Variants in SPTLC3 observed in about 807,000 individuals in gnomAD.
The protein encoded by SPTLC3 is serine palmitoyltransferase long chain base subunit 3, also known as serine palmitoyltransferase 3.
SPTLC3 carries 36 observed loss-of-function variants against 59.3 expected under a neutral mutation model. That is an observed-to-expected ratio of 0.61 (90% CI 0.47 to 0.80). The LOEUF is 0.80. Among genes scored for constraint, SPTLC3 ranks in the 30% least tolerant of loss-of-function variants. SPTLC3 has a pLI of 0.00. For missense variants in SPTLC3, 625 were observed against 685.1 expected (o/e 0.91, Z 0.98); for synonymous variants, 257 against 240.8 (o/e 1.07, Z -0.62).
intron 4 of SPTLC3, among the ~76,000 whole-genome samples, chr20:13,083,200 G>T (rs1044027168): frequency 6.6e-6 from 1 of 152,154 alleles, no homozygotes; most frequent in Non-Finnish European, 1.5e-5. Flanking sequence ...GGGTCCAGGA[G>T]TTTATCCAGA....
At chr20:13,042,827 C>A (rs1400007927) in intron 1 of SPTLC3, among the ~76,000 whole-genome samples, 1 of 152,100 alleles carries the variant, frequency 6.6e-6, no homozygotes. Context: ...ATAAATATTT[C>A]TTCATTTGTT....
At chr20:13,137,662 TGAA>T (rs1459385157) in intron 9 of SPTLC3, among the ~76,000 whole-genome samples, 7 of 152,168 alleles carry the variant, frequency 4.6e-5, no homozygotes, top group Non-Finnish European at 8.8e-5. Flanking sequence ...TTCTGTTCAT[TGAA>T]GTAGTTCAGA....
intron 9 of SPTLC3, among the ~76,000 whole-genome samples, chr20:13,146,803 G>A (rs980640610): frequency 1.1e-4 from 17 of 152,158 alleles, no homozygotes; most frequent in Admixed American, 5.2e-4. Flanking sequence ...ATAACTCCGT[G>A]AATGATGGAA....
intron 7 of SPTLC3, among the ~76,000 whole-genome samples, chr20:13,111,715 G>A (rs944559598): frequency 8.5e-5 from 13 of 152,168 alleles, no homozygotes; most frequent in African/African-American, 2.7e-4. Context: ...GCCTAGATTC[G>A]TGGGAACACA....
intron 1 of SPTLC3, among the ~76,000 whole-genome samples, chr20:13,021,158 A>ACTT (rs1188959136): frequency 6.6e-6 from 1 of 152,080 alleles, no homozygotes; most frequent in East Asian, 1.9e-4. Flanking sequence ...TCTTCTCTTG[A>ACTT]CTTCCAGGGT....
At chr20:13,073,984 T>A (rs1289505236) in intron 3 of SPTLC3, 2 of 608,094 alleles carry the variant, frequency 3.3e-6, no homozygotes, top group East Asian at 8.3e-5. Context: ...TATATCCTGA[T>A]GACCAATGAA....
chr20:13,158,265 C>G (rs541936649), intron 10 of SPTLC3, among the ~76,000 whole-genome samples: 2 of 152,280 alleles, frequency 1.3e-5, no homozygotes, highest in Admixed American at 6.5e-5. Context: ...AGTACAAACA[C>G]AGAGGCTCAT....
intron 2 of SPTLC3, chr20:13,049,368 A>T: frequency 2.5e-6 from 1 of 407,106 alleles, no homozygotes; most frequent in Non-Finnish European, 4.5e-6. Context: ...CTTTTCCCAT[A>T]CCTTGTAATA....
intron 7 of SPTLC3, among the ~76,000 whole-genome samples, chr20:13,113,930 A>G (rs1212594075): frequency 2.6e-5 from 4 of 152,228 alleles, no homozygotes; most frequent in Non-Finnish European, 4.4e-5. Flanking sequence ...TCCCATGTGC[A>G]GCCTTGAGTA....
chr20:13,033,028 A>G (rs1986569965), intron 1 of SPTLC3, among the ~76,000 whole-genome samples: 1 of 152,116 alleles, frequency 6.6e-6, no homozygotes, highest in African/African-American at 2.4e-5. Flanking sequence ...TGCTCAATCA[A>G]TCAAGAACTA....
chr20:13,095,807 C>T (rs1253665658), intron 6 of SPTLC3, among the ~76,000 whole-genome samples: 1 of 151,958 alleles, frequency 6.6e-6, no homozygotes. Context: ...ATTATCCTCA[C>T]TCTTCCTCTC....
chr20:13,137,415 A>G (rs978775045), intron 9 of SPTLC3, among the ~76,000 whole-genome samples: 6 of 152,138 alleles, frequency 3.9e-5, no homozygotes, highest in African/African-American at 7.2e-5. Flanking sequence ...AAGGCTCTCC[A>G]TTCTTGAACT....
At chr20:13,080,865 G>C (rs1009469434) in intron 4 of SPTLC3, among the ~76,000 whole-genome samples, 1 of 152,110 alleles carries the variant, frequency 6.6e-6, no homozygotes, top group African/African-American at 2.4e-5. Flanking sequence ...GACTAATAAT[G>C]ATAAAGTTAG....
chr20:13,009,069 A>G lies in SPTLC3; in HGVS notation c.-199A>G. On this transcript the variant is annotated 5_prime_UTR_variant, in exon 1 of 12. The change creates a new upstream start codon in the 5' untranslated region. Coordinates refer to ENST00000399002, the MANE Select transcript of SPTLC3 (RefSeq NM_018327.4). The stretch of plus-strand genomic sequence containing the variant: ...CATTTTGACGGGAGTTGAGAAGTAT[A>G]AAGGTAACCATTTGTTTTAGTTTCA... The G allele has an allele frequency of 1.8e-6, 1 of 558,360 alleles. No homozygotes were observed. The highest frequency in any genetic ancestry group is 3.1e-5 in the Admixed American group (1 of 32,030). 34.6% of individuals were successfully genotyped at this position (558,360 alleles called of 1,614,324 possible).
At chr20:13,027,690 T>C (rs114164218) in intron 1 of SPTLC3, among the ~76,000 whole-genome samples, 8,325 of 151,644 alleles carry the variant, frequency 0.055, 272 homozygotes, top group South Asian at 0.083. Context: ...CGCAAAAGTG[T>C]CAATTTAGTT....
chr20:13,022,148 T>G (rs931805386), intron 1 of SPTLC3, among the ~76,000 whole-genome samples: 1 of 152,198 alleles, frequency 6.6e-6, no homozygotes, highest in Non-Finnish European at 1.5e-5. Context: ...CTATCCTTCT[T>G]GTGGCTCAAG....
chr20:13,157,225 G>T (rs1183646159), intron 10 of SPTLC3, among the ~76,000 whole-genome samples: 1 of 150,604 alleles, frequency 6.6e-6, no homozygotes, highest in Admixed American at 6.7e-5. Context: ...ATCACCTGAG[G>T]TCAGGAGTTT....
intron 9 of SPTLC3, among the ~76,000 whole-genome samples, chr20:13,136,628 A>G (rs6033624): frequency 0.71 from 103,493 of 146,300 alleles, 36,661 homozygotes; most frequent in African/African-American, 0.75. Flanking sequence ...TAATATACAT[A>G]TAAAAATTAT....
intron 7 of SPTLC3, among the ~76,000 whole-genome samples, chr20:13,117,037 C>CTGTGTCT (rs1326035912): frequency 6.6e-6 from 1 of 152,218 alleles, no homozygotes; most frequent in Non-Finnish European, 1.5e-5. Flanking sequence ...AAATAAAGTT[C>CTGTGTCT]TGTGTCTTTT....
Sources: gnomAD v4.1 joint callset for allele counts (sites outside exome capture counted in the v4.1 genomes callset) on GRCh38, gnomAD v4.1.1 for gene constraint, MANE v1.5 for transcripts, NCBI Gene and HGNC (gene_info 2026-07-23, HGNC 2026-07-21) for gene names.